The following FBLN5 variants were observed in gnomAD, a reference collection of about 807,000 sequenced individuals.
The protein encoded by FBLN5 is fibulin-5.
A neutral mutation model predicts 61.6 loss-of-function variants in FBLN5; 24 were observed. The observed-to-expected ratio is 0.39, with a 90% confidence interval of 0.28 to 0.55. FBLN5 has a LOEUF of 0.55. Ranked by LOEUF, FBLN5 falls within the 20% of genes least tolerant of loss-of-function variation. FBLN5 has a pLI of 0.65. For synonymous variants in FBLN5, 213 were observed against 219.8 expected, an observed-to-expected ratio of 0.97 and a Z score of 0.27; for missense variants, 470 against 594.1, an observed-to-expected ratio of 0.79 and a Z score of 2.17.
chr14:91,870,424 T>G (rs771947550), intron 10 of FBLN5, 39 bp from the exon 11 acceptor site: 1 of 1,609,606 alleles, frequency 6.2e-7, no homozygotes. Context: ...AGAAAAGGCC[T>G]GCATGGTGGC....
At chr14:91,888,799 G>C (rs1053660852) in intron 6 of FBLN5, among the ~76,000 whole-genome samples, 2 of 152,054 alleles carry the variant, frequency 1.3e-5, no homozygotes, top group Non-Finnish European at 2.9e-5. Context: ...ACAGCTCATC[G>C]TGCGGGGAGG....
At chr14:91,874,042 A>C (rs1328019084) in intron 10 of FBLN5, 1 of 152,276 alleles carries the variant, frequency 6.6e-6, no homozygotes, top group Non-Finnish European at 1.5e-5. Flanking sequence ...GCAGCCAATA[A>C]GGCTTATGAA....
rs546178118 is a variant in FBLN5 at position 91,900,551 on chromosome 14, A to G, written c.380-5479T>C. Among the ~76,000 whole-genome samples, 18 of 152,342 alleles carry G rather than the reference A, an allele frequency of 1.2e-4. No homozygotes were observed. The South Asian group carries it at 3.5e-3, about 30-fold the overall frequency. ...TCATTCTCCAAGCACCAAAGTTTAAAAGAAAAATACACCAAAGGGCTGAGA... is the reference window on the plus strand; with the variant it reads ...TCATTCTCCAAGCACCAAAGTTTAAGAGAAAAATACACCAAAGGGCTGAGA... On this transcript the variant is annotated intron_variant, in intron 4 of 10. Coordinates refer to ENST00000342058, the MANE Select transcript of FBLN5 (RefSeq NM_006329.4).
chr14:91,936,867 C>T, intron 4 of FBLN5, 80 bp downstream of exon 4: 3 of 1,536,502 alleles, frequency 2.0e-6, no homozygotes, highest in Middle Eastern at 1.8e-4. Context: ...ACTAACAACC[C>T]ATTTGTGGTG....
At chr14:91,938,013 T>C (rs1445704214) in intron 3 of FBLN5, among the ~76,000 whole-genome samples, 2 of 151,680 alleles carry the variant, frequency 1.3e-5, no homozygotes, top group African/African-American at 4.8e-5. Context: ...AAATAAAGAG[T>C]GTTTATCTGC....
intron 4 of FBLN5, among the ~76,000 whole-genome samples, chr14:91,925,456 C>T (rs2055811682): frequency 1.3e-5 from 2 of 152,206 alleles, no homozygotes; most frequent in South Asian, 4.1e-4. Flanking sequence ...AAGCATGCTC[C>T]TCTGTTTCCA....
Position 91,882,731 on chromosome 14 carries a change from C to T in FBLN5, c.862+223G>A, listed in dbSNP as rs1049611422. ...GAGTTCATTACAGAAGTTTAAGTGGCCAATATCCTGGCCAAAGGACGGGTT... is the reference window on the plus strand; with the variant it reads ...GAGTTCATTACAGAAGTTTAAGTGGTCAATATCCTGGCCAAAGGACGGGTT... On this transcript the variant is annotated intron_variant, in intron 8 of 10. Coordinates refer to ENST00000342058, the MANE Select transcript of FBLN5 (RefSeq NM_006329.4). This position sits in a 1 kb window ranked among gnomAD's most constrained non-coding sequence, Gnocchi z 4.9. 1.3e-5 allele frequency among the ~76,000 whole-genome samples: 2 copies of T among 152,184 alleles called. No homozygotes were observed. The highest frequency in any genetic ancestry group is 6.5e-5 in the Admixed American group (1 of 15,280).
intron 6 of FBLN5, among the ~76,000 whole-genome samples, chr14:91,887,811 C>A (rs770124168): frequency 1.3e-5 from 2 of 152,136 alleles, no homozygotes; most frequent in Non-Finnish European, 2.9e-5. Flanking sequence ...TTGATCCTTA[C>A]AACGAGGACC....
chr14:91,937,268 G>A (rs566213286), intron 3 of FBLN5, 67 bp from the exon 4 acceptor site: 9 of 1,603,468 alleles, frequency 5.6e-6, no homozygotes, highest in African/African-American at 5.3e-5. Flanking sequence ...GCATATTTAA[G>A]CAGAACTCGG....
At position 91,942,841 on chromosome 14, in the gene FBLN5, A is replaced by C. The variant is rs532141720; in HGVS notation, c.72+66T>G. On this transcript the variant is annotated intron_variant, in intron 2 of 10. Coordinates refer to ENST00000342058, the MANE Select transcript of FBLN5 (RefSeq NM_006329.4). Reference sequence around the variant, plus strand: ...CACAAACCTAGGGTTCCGTAGCGCAAGGCTGGACTCCCTCACCCCGGATTT... The same window carrying C: ...CACAAACCTAGGGTTCCGTAGCGCACGGCTGGACTCCCTCACCCCGGATTT... 6.8e-4 allele frequency: 710 copies of C among 1,039,512 alleles called. 4 individuals are homozygous for C. In the Middle Eastern group the frequency reaches 7.9e-3, roughly 12 times the overall value. The allele number at this position is 1,039,512 out of a possible 1,614,324, so 64.4% of individuals were successfully genotyped here.
At position 91,943,027 on chromosome 14, in the gene FBLN5, C is replaced by T. The variant is rs2056130915; in HGVS notation, c.18-66G>A. On this transcript the variant is annotated intron_variant, in intron 1 of 10. Transcript: ENST00000342058. The surrounding 1 kb of genome is among the most constrained non-coding windows in gnomAD (Gnocchi z 4.0). ...TTCAGGTCTAGGGGAGTGTGGGTCG[C>T]ATGCGGCCCGTGACGTGTAACGGTG... 8 of 1,074,036 alleles carry T rather than the reference C, an allele frequency of 7.4e-6. No individual in the cohort carries two copies. The highest frequency in any genetic ancestry group is 1.1e-5 in the Non-Finnish European group (8 of 710,610). 66.5% of individuals were successfully genotyped at this position (1,074,036 alleles called of 1,614,324 possible). A position where few individuals can be genotyped will look rare whatever the true frequency, so the allele number is the denominator to read the frequency against.
chr14:91,946,716 T>A, intron 1 of FBLN5: 1 of 1,535,478 alleles, frequency 6.5e-7, no homozygotes, highest in Non-Finnish European at 8.7e-7. Context: ...CTTACATGTA[T>A]CTCTGTCTGC....
At chr14:91,909,453 ATGT>A (rs764937036) in intron 4 of FBLN5, among the ~76,000 whole-genome samples, 4 of 152,226 alleles carry the variant, frequency 2.6e-5, no homozygotes, top group Non-Finnish European at 5.9e-5. Flanking sequence ...CTCAAAGTTC[ATGT>A]ACTGAAATTC....
rs940974734 is a variant in FBLN5, at chr14:91,882,153, T to A, written c.863-735A>T. Among the ~76,000 whole-genome samples the A allele has an allele frequency of 4.6e-5, 7 of 151,708 alleles. No individual in the cohort carries two copies. The highest frequency in any genetic ancestry group is 1.7e-4 in the African/African-American group (7 of 41,268). Reference sequence around the variant, plus strand: ...GCCTGGGCAACAGAGTGAGACTCTGTCACAAAAAGAAAAAAAAGAAAGAAA... The same window carrying A: ...GCCTGGGCAACAGAGTGAGACTCTGACACAAAAAGAAAAAAAAGAAAGAAA... On this transcript the variant is annotated intron_variant, in intron 8 of 10. Transcript: ENST00000342058. The surrounding 1 kb of genome is among the most constrained non-coding windows in gnomAD (Gnocchi z 4.9).
intron 4 of FBLN5, among the ~76,000 whole-genome samples, chr14:91,930,736 G>A (rs908813787): frequency 3.3e-5 from 5 of 152,188 alleles, no homozygotes; most frequent in African/African-American, 1.2e-4. Flanking sequence ...CGGCCTTTAT[G>A]CCACATTTGT....
chr14:91,943,095 G>A lies in FBLN5; in HGVS notation c.18-134C>T. On this transcript the variant is annotated intron_variant, in intron 1 of 10. Coordinates refer to ENST00000342058, the MANE Select transcript of FBLN5 (RefSeq NM_006329.4). The surrounding 1 kb of genome is among the most constrained non-coding windows in gnomAD (Gnocchi z 4.0). ...TATGGGGTGGGGTGTGCTCCAGGGA[G>A]GTCATGGTGGTTCCAGACACCGCGA... 1 of 710,818 alleles carries A rather than the reference G, an allele frequency of 1.4e-6. No homozygotes were observed. Among genetic ancestry groups the A allele is most frequent in the East Asian group, 2.7e-5 (1 of 36,890 alleles). The allele number at this position is 710,818 out of a possible 1,614,324, so 44.0% of individuals were successfully genotyped here.
At chr14:91,940,440 T>C in intron 3 of FBLN5, 125 bp downstream of exon 3, 1 of 834,770 alleles carries the variant, frequency 1.2e-6, no homozygotes, top group South Asian at 1.4e-5. Flanking sequence ...CTGACTTCAG[T>C]CATTCCATGT....
chr14:91,901,855 A>G (rs1393078244), intron 4 of FBLN5, among the ~76,000 whole-genome samples: 1 of 152,184 alleles, frequency 6.6e-6, no homozygotes, highest in Non-Finnish European at 1.5e-5. Flanking sequence ...TATGTGATCC[A>G]TTTTCCAAAC....
intron 8 of FBLN5, among the ~76,000 whole-genome samples, chr14:91,881,621 T>C (rs1251321155): frequency 7.4e-6 from 1 of 135,756 alleles, no homozygotes; most frequent in African/African-American, 2.5e-5. Flanking sequence ...CAGATTTTGA[T>C]GACTTAGTAC....
Sources: gnomAD v4.1 joint callset for allele counts (sites outside exome capture counted in the v4.1 genomes callset) on GRCh38, gnomAD v4.1.1 for gene constraint, Gnocchi (gnomAD v3.1) non-coding constraint, MANE v1.5 for transcripts, NCBI Gene and HGNC (gene_info 2026-07-23, HGNC 2026-07-21) for gene names.